The following TTBK2 variants were observed in gnomAD, a reference collection of about 807,000 sequenced individuals.
TTBK2 encodes the protein tau tubulin kinase 2.
A neutral mutation model predicts 110.8 loss-of-function variants in TTBK2; 28 were observed. The ratio of observed to expected loss-of-function variants is 0.25; its 90% CI spans 0.19 to 0.35. The LOEUF (loss-of-function observed/expected upper bound fraction) is 0.35. TTBK2 is among the 10% of genes least tolerant of loss of function. TTBK2 has a pLI of 1.00. For missense variants in TTBK2, 1,369 were observed against 1,500.3 expected, an observed-to-expected ratio of 0.91 and a Z score of 1.45; for synonymous variants, 532 against 527.3, an observed-to-expected ratio of 1.01 and a Z score of -0.12.
In TTBK2 at chr15:42,861,819, G is replaced by T. The variant is rs1894169011; in HGVS notation, c.217+10792C>A. On this transcript the variant is annotated intron_variant, in intron 3 of 14. Transcript: ENST00000267890. ...GAAATAAAGAGCTAATTTGTCAAAA[G>T]AATAAACAAGATTGACAGCACTAGC... Among the ~76,000 whole-genome samples the T allele has an allele frequency of 2.0e-5, 3 of 152,008 alleles. No homozygotes were observed. In the South Asian group the frequency reaches 6.2e-4, roughly 32 times the overall value.
In TTBK2 at chr15:42,752,855, C is replaced by T. The variant is rs375625245; in HGVS notation, c.2391G>A (p.Gln797=). 2.5e-6 allele frequency: 4 copies of T among 1,614,070 alleles called. No individual in the cohort carries two copies. The Admixed American group carries it at 5.0e-5, about 20-fold the overall frequency. ...DNEDEKLSRG[Q]HCIEISSLPG... ...GGAGAGAGGAGATCTCAATACAATG[C>T]TGCCCTCTACTTAACTTCTCATCTT... Residue 797 remains glutamine, a synonymous_variant, in exon 14 of 15, where the codon CAG becomes CAA. Coordinates refer to ENST00000267890, the MANE Select transcript of TTBK2 (RefSeq NM_173500.4).
chr15:42,804,378 T>C (rs371447564), intron 9 of TTBK2, among the ~76,000 whole-genome samples: 1 of 151,550 alleles, frequency 6.6e-6, no homozygotes, highest in Non-Finnish European at 1.5e-5. Context: ...GAGGTAGAGG[T>C]TGCAGTGAGC....
chr15:42,915,548 T>C (rs1045383627), intron 1 of TTBK2, among the ~76,000 whole-genome samples: 1 of 152,168 alleles, frequency 6.6e-6, no homozygotes, highest in Non-Finnish European at 1.5e-5. Flanking sequence ...CTATCTGAGG[T>C]TTCAGGCATC....
intron 6 of TTBK2, 151 bp from the exon 7 acceptor site, chr15:42,817,248 G>C (rs1017995026): frequency 2.2e-5 from 9 of 411,638 alleles, no homozygotes; most frequent in Admixed American, 1.3e-4. Flanking sequence ...GAAATTACAA[G>C]AAACTAGAGA....
At chr15:42,786,013 G>A (rs1001601726) in intron 10 of TTBK2, among the ~76,000 whole-genome samples, 6 of 151,950 alleles carry the variant, frequency 3.9e-5, no homozygotes, top group African/African-American at 7.3e-5. Context: ...CTTGGTAACC[G>A]ATGACCTTCA....
At chr15:42,917,052 G>T (rs1177299505) in intron 1 of TTBK2, among the ~76,000 whole-genome samples, 2 of 152,128 alleles carry the variant, frequency 1.3e-5, no homozygotes, top group Non-Finnish European at 2.9e-5. Flanking sequence ...AAGCTAAGAA[G>T]CTACTTAGTA....
intron 10 of TTBK2, among the ~76,000 whole-genome samples, chr15:42,787,874 A>G (rs1282966692): frequency 6.6e-6 from 1 of 152,134 alleles, no homozygotes; most frequent in Non-Finnish European, 1.5e-5. Context: ...TCGTTAAGCA[A>G]TTTCATCATT....
chr15:42,851,772 G>A (rs1305985294), intron 3 of TTBK2, among the ~76,000 whole-genome samples: 1 of 152,030 alleles, frequency 6.6e-6, no homozygotes, highest in Non-Finnish European at 1.5e-5. Flanking sequence ...AAGATACACA[G>A]GAAACCGGTA....
At chr15:42,757,213 C>G (rs528920178) in intron 13 of TTBK2, among the ~76,000 whole-genome samples, 2 of 151,902 alleles carry the variant, frequency 1.3e-5, no homozygotes, top group Non-Finnish European at 2.9e-5. Flanking sequence ...CTCAAGCAAT[C>G]CCTCCACCTC....
chr15:42,905,716 T>C (rs1452479407), intron 1 of TTBK2, among the ~76,000 whole-genome samples: 1 of 152,096 alleles, frequency 6.6e-6, no homozygotes, highest in Non-Finnish European at 1.5e-5. Flanking sequence ...AAAATAGAGA[T>C]TAAGACCAGA....
At chr15:42,818,202 A>C (rs1892122552) in intron 6 of TTBK2, among the ~76,000 whole-genome samples, 1 of 152,186 alleles carries the variant, frequency 6.6e-6, no homozygotes, top group African/African-American at 2.4e-5. Flanking sequence ...CAGCCTCCCA[A>C]GTAGCTGGAA....
chr15:42,775,328 G>C lies in TTBK2; in HGVS notation c.1805C>G (p.Pro602Arg), dbSNP rs1228154463. 1.2e-6 allele frequency: 2 copies of C among 1,614,088 alleles called. No individual in the cohort carries two copies. Among genetic ancestry groups the C allele is most frequent in the East Asian group, 4.5e-5 (2 of 44,904 alleles). The change falls in exon 13 of 15, where the codon CCT becomes CGT. Residue 602 changes from proline (P) to arginine (R), a missense_variant. This residue lies in a region of TTBK2 where 1,097 missense variants were observed against 1,114.7 expected (regional missense o/e 0.98). Coordinates refer to ENST00000267890, the MANE Select transcript of TTBK2 (RefSeq NM_173500.4). The part of the protein sequence containing the change: ...SPQDEKLQLG[P>R]WAENDHLKKE... ...CTTTAAATGATCATTTTCTGCCCAA[G>C]GACCTAACTGGAGCTTTTCATCTTG...
intron 13 of TTBK2, among the ~76,000 whole-genome samples, chr15:42,758,883 T>C (rs2061983718): frequency 6.6e-6 from 1 of 152,150 alleles, no homozygotes; most frequent in Non-Finnish European, 1.5e-5. Flanking sequence ...GGAGCCTAGT[T>C]TGGAGAGCTG....
At chr15:42,782,237 A>G (rs1026184464) in intron 11 of TTBK2, among the ~76,000 whole-genome samples, 16 of 152,124 alleles carry the variant, frequency 1.1e-4, no homozygotes, top group African/African-American at 2.9e-4. Context: ...AAACCCTGCT[A>G]ATTTTTGTAT....
At chr15:42,828,155 C>A in intron 5 of TTBK2, 123 bp from the exon 6 acceptor site, 1 of 734,756 alleles carries the variant, frequency 1.4e-6, no homozygotes, top group South Asian at 1.8e-5. Context: ...TCCAAATATA[C>A]TATTCTAGTA....
chr15:42,778,424 C>T (rs570909876), intron 11 of TTBK2, among the ~76,000 whole-genome samples: 179 of 152,004 alleles, frequency 1.2e-3, no homozygotes, highest in African/African-American at 4.1e-3. Context: ...CCAGCACTTT[C>T]GGAAGCCAAG....
At chr15:42,851,673 A>G (rs576364943) in intron 3 of TTBK2, among the ~76,000 whole-genome samples, 1 of 152,004 alleles carries the variant, frequency 6.6e-6, no homozygotes, top group Non-Finnish European at 1.5e-5. Flanking sequence ...TAGATATATG[A>G]TTTTCTATAT....
chr15:42,915,205 G>A (rs1242010019), intron 1 of TTBK2, among the ~76,000 whole-genome samples: 2 of 152,180 alleles, frequency 1.3e-5, no homozygotes, highest in East Asian at 3.8e-4. Flanking sequence ...TTTGAGTATG[G>A]TGATGAAATC....
chr15:42,752,087 A>G lies in TTBK2; in HGVS notation c.3159T>C (p.Ile1053=), dbSNP rs779054306. The change falls in exon 14 of 15, where the codon ATT becomes ATC. Residue 1053 remains isoleucine, a synonymous_variant. Transcript: ENST00000267890. The part of the protein sequence containing the change: ...PIISQSRKSK[I]PRPVSWVNTD... ...TGTTGACCCATGAAACTGGCCTTGGAATTTTGCTCTTTCTAGACTGGGAGA... is the reference window on the plus strand; with the variant it reads ...TGTTGACCCATGAAACTGGCCTTGGGATTTTGCTCTTTCTAGACTGGGAGA... 7 of 1,614,018 alleles carry G rather than the reference A, an allele frequency of 4.3e-6. No homozygotes were observed. The highest frequency in any genetic ancestry group is 1.7e-5 in the Admixed American group (1 of 59,988).
Sources: allele counts gnomAD v4.1 joint callset (sites outside exome capture counted in the v4.1 genomes callset), GRCh38; gene constraint gnomAD v4.1.1; regional missense constraint gnomAD v4.1.1; transcripts MANE v1.5; gene names NCBI Gene and HGNC (gene_info 2026-07-23, HGNC 2026-07-21).